MOXD1: variants seen among roughly 807,000 people sequenced by gnomAD.
MOXD1 encodes monooxygenase DBH like 1.
Under a neutral mutation model 66.6 loss-of-function variants are expected in MOXD1, and 62 were observed. The ratio of observed to expected loss-of-function variants is 0.93; its 90% CI spans 0.76 to 1.15. The LOEUF (loss-of-function observed/expected upper bound fraction) is 1.15. Among genes scored for constraint, MOXD1 ranks in the 50% most tolerant of loss-of-function variants. The pLI, the probability that MOXD1 is intolerant of heterozygous loss-of-function variation, is 0.00. For missense variants in MOXD1, 847 were observed against 754.6 expected (o/e 1.12, Z -1.44); for synonymous variants, 303 against 281.9 (o/e 1.07, Z -0.75).
chr6:132,336,563 C>G (rs979258598), intron 4 of MOXD1, among the ~76,000 whole-genome samples: 4 of 152,100 alleles, frequency 2.6e-5, no homozygotes, highest in African/African-American at 9.7e-5. Flanking sequence ...CCAGAATTAA[C>G]AAGGAAATGG....
intron 4 of MOXD1, among the ~76,000 whole-genome samples, chr6:132,360,379 A>C (rs904380295): frequency 2.0e-5 from 3 of 152,212 alleles, no homozygotes; most frequent in Non-Finnish European, 4.4e-5. Context: ...GAGGACTGAC[A>C]ATCCCCAAAT....
chr6:132,359,258 C>G (rs1044304676), intron 4 of MOXD1, among the ~76,000 whole-genome samples: 1 of 151,786 alleles, frequency 6.6e-6, no homozygotes, highest in South Asian at 2.1e-4. Context: ...TAGCTGGTAC[C>G]AGCTAAATTT....
In MOXD1 at chr6:132,315,665, A is replaced by G. The variant is rs75328812; in HGVS notation, c.1478T>C (p.Ile493Thr). 5.6e-6 allele frequency: 9 copies of G among 1,613,418 alleles called. No individual in the cohort carries two copies. The highest frequency in any genetic ancestry group is 5.0e-5 in the Admixed American group (3 of 59,952). ...TGGTCTGTAGATCTCCTTAACCCCAATGAACTGAAGTTGTTCCATAATGTC... is the reference window on the plus strand; with the variant it reads ...TGGTCTGTAGATCTCCTTAACCCCAGTGAACTGAAGTTGTTCCATAATGTC... ...IPDIMEQLQF[I>T]GVKEIYRPVT... Residue 493 changes from isoleucine (I) to threonine (T), a missense_variant, in exon 10 of 12, where the codon ATT becomes ACT. By Grantham distance (89) the Ile-to-Thr change is moderately conservative. Coordinates refer to ENST00000367963, the MANE Select transcript of MOXD1 (RefSeq NM_015529.4).
chr6:132,355,266 C>T (rs1375349390), intron 4 of MOXD1, among the ~76,000 whole-genome samples: 1 of 152,052 alleles, frequency 6.6e-6, no homozygotes, highest in Non-Finnish European at 1.5e-5. Flanking sequence ...CCAAAAGATC[C>T]CTGTGGTACC....
intron 10 of MOXD1, among the ~76,000 whole-genome samples, chr6:132,304,662 T>G (rs1258520313): frequency 6.6e-6 from 1 of 152,208 alleles, no homozygotes. Context: ...TGTAACTTGT[T>G]GTGTATAAGT....
At position 132,335,279 on chromosome 6, in the gene MOXD1, A is replaced by ATT. The variant is rs60132905; in HGVS notation, c.664-6687_664-6686dup. On this transcript the variant is annotated intron_variant, in intron 4 of 11. Coordinates refer to ENST00000367963, the MANE Select transcript of MOXD1 (RefSeq NM_015529.4). ...CAATAATGCTGGCTGAAAGAAACAT[A>ATT]TTTTTTTTTTTTGCTTTATTTCCCT... 0.034 allele frequency among the ~76,000 whole-genome samples: 4,925 copies of ATT among 146,012 alleles called. 598 individuals carry two copies. In the East Asian group the frequency reaches 0.43, roughly 13 times the overall value.
At chr6:132,370,595 C>T (rs184261656) in intron 4 of MOXD1, among the ~76,000 whole-genome samples, 1 of 152,084 alleles carries the variant, frequency 6.6e-6, no homozygotes, top group African/African-American at 2.4e-5. Flanking sequence ...AAATTCTAGC[C>T]ACCAAACCTC....
chr6:132,369,691 G>A (rs1418894208), intron 4 of MOXD1, among the ~76,000 whole-genome samples: 2 of 152,058 alleles, frequency 1.3e-5, no homozygotes, highest in Non-Finnish European at 2.9e-5. Flanking sequence ...TGGCTACTAA[G>A]TGACTAACGG....
At chr6:132,312,072 T>C (rs1774842296) in intron 10 of MOXD1, among the ~76,000 whole-genome samples, 1 of 151,976 alleles carries the variant, frequency 6.6e-6, no homozygotes, top group African/African-American at 2.4e-5. Flanking sequence ...GAATACACAA[T>C]TTATCTAAAC....
At chr6:132,311,783 T>C (rs1774836760) in intron 10 of MOXD1, among the ~76,000 whole-genome samples, 1 of 152,108 alleles carries the variant, frequency 6.6e-6, no homozygotes, top group Admixed American at 6.6e-5. Context: ...AAGATGTTTA[T>C]AATAACATTC....
intron 10 of MOXD1, among the ~76,000 whole-genome samples, chr6:132,304,440 A>G (rs1293220894): frequency 6.6e-6 from 1 of 152,154 alleles, no homozygotes; most frequent in Admixed American, 6.5e-5. Flanking sequence ...GAGTCCTTCA[A>G]TGCTTTAGCC....
At chr6:132,307,860 C>A (rs1198313867) in intron 10 of MOXD1, among the ~76,000 whole-genome samples, 1 of 151,952 alleles carries the variant, frequency 6.6e-6, no homozygotes, top group African/African-American at 2.4e-5. Context: ...TGGGACACAG[C>A]TAAAGCAGTG....
chr6:132,349,412 T>TATAC (rs1554234235), intron 4 of MOXD1, among the ~76,000 whole-genome samples: 3 of 84,412 alleles, frequency 3.6e-5, no homozygotes, highest in East Asian at 9.8e-4. Context: ...TATACATATA[T>TATAC]ATATATATAC....
chr6:132,303,165 C>A (rs1218868699), intron 10 of MOXD1, among the ~76,000 whole-genome samples: 2 of 151,740 alleles, frequency 1.3e-5, no homozygotes, highest in Non-Finnish European at 2.9e-5. Context: ...ACAAAACAAA[C>A]CAAAAAAATG....
intron 1 of MOXD1, among the ~76,000 whole-genome samples, chr6:132,396,848 C>A (rs114804433): frequency 2.6e-5 from 4 of 152,094 alleles, no homozygotes; most frequent in African/African-American, 9.7e-5. Context: ...CTGAATAGAC[C>A]AACAATCAGT....
intron 1 of MOXD1, among the ~76,000 whole-genome samples, chr6:132,378,812 G>A (rs1776447147): frequency 7.0e-6 from 1 of 143,202 alleles, no homozygotes; most frequent in African/African-American, 2.5e-5. Context: ...AATATTTAAG[G>A]AAGAGGTAAT....
intron 1 of MOXD1, among the ~76,000 whole-genome samples, chr6:132,396,870 A>T (rs1776893118): frequency 6.6e-6 from 1 of 152,242 alleles, no homozygotes. Context: ...ATGAGATTGA[A>T]TCAGTAATAA....
rs1554234220 is a variant in MOXD1, at chr6:132,349,381, G to GTATATATATATACACATATATATACATA, written c.664-20815_664-20788dup. On this transcript the variant is annotated intron_variant, in intron 4 of 11. Transcript: ENST00000367963. ...TATTCCATCATATATATATATACAT[G>GTATATATATATACACATATATATACATA]TATATATATATACACATATATATAC... 4.3e-4 allele frequency among the ~76,000 whole-genome samples: 35 copies of GTATATATATATACACATATATATACATA among 80,558 alleles called. 4 individuals are homozygous for GTATATATATATACACATATATATACATA. The highest frequency in any genetic ancestry group is 8.4e-4 in the Non-Finnish European group (35 of 41,816). The allele number at this position is 80,558 out of a possible 152,430, so 52.8% of individuals were successfully genotyped here. A position where few individuals can be genotyped will look rare whatever the true frequency, so the allele number is the denominator to read the frequency against.
intron 5 of MOXD1, 40 bp from the exon 6 acceptor site, chr6:132,328,155 G>A (rs1295595249): frequency 3.9e-6 from 6 of 1,538,094 alleles, no homozygotes; most frequent in East Asian, 2.2e-5. Flanking sequence ...TCCTATGAAA[G>A]TCCCTGAGAG....
Sources: gnomAD v4.1 joint callset for allele counts (sites outside exome capture counted in the v4.1 genomes callset) on GRCh38, gnomAD v4.1.1 for gene constraint, MANE v1.5 for transcripts, NCBI Gene and HGNC (gene_info 2026-07-23, HGNC 2026-07-21) for gene names.